SMG6: variants seen among roughly 807,000 people sequenced by gnomAD.
The protein encoded by SMG6 is telomerase-binding protein EST1A.
A neutral mutation model predicts 142.2 loss-of-function variants in SMG6; 66 were observed. That is an observed-to-expected ratio of 0.46 (90% CI 0.38 to 0.57). The LOEUF is 0.57. Ranked by LOEUF, SMG6 falls within the 20% of genes least tolerant of loss-of-function variation. The pLI is 0.00. For missense variants in SMG6, 1,793 were observed against 1,832.0 expected (o/e 0.98, Z 0.39); for synonymous variants, 779 against 702.4 (o/e 1.11, Z -1.72).
rs77491864 is a variant in SMG6 at position 2,292,640 on chromosome 17, A to G, written c.2259-10T>C. 1 of 221,324 alleles carries G rather than the reference A, an allele frequency of 4.5e-6. No homozygotes were observed. Among genetic ancestry groups the G allele is most frequent in the Admixed American group, 1.3e-4 (1 of 7,666 alleles). 13.7% of individuals were successfully genotyped at this position (221,324 alleles called of 1,614,324 possible). ...GGCCTTCAGGTACCAACTAGAACAG[A>G]AAAAACAGTAAGAAAATGCTAGTTC... is the stretch of plus-strand genomic sequence containing the variant. On this transcript the variant is annotated splice_polypyrimidine_tract_variant and intron_variant, in intron 5 of 18. Transcript: ENST00000263073.
chr17:2,165,038 G>A (rs1367116522), intron 13 of SMG6, among the ~76,000 whole-genome samples: 4 of 152,196 alleles, frequency 2.6e-5, no homozygotes, highest in Non-Finnish European at 5.9e-5. Flanking sequence ...AACCTCTTTG[G>A]GGTGGGGGTG....
intron 12 of SMG6, chr17:2,173,072 G>C (rs1402889147): frequency 5.2e-6 from 3 of 575,766 alleles, no homozygotes; most frequent in Non-Finnish European, 9.3e-6. Flanking sequence ...AGTTGAAATT[G>C]ATTAGGGGGA....
chr17:2,298,368 T>C (rs1410208701), intron 2 of SMG6, among the ~76,000 whole-genome samples: 1 of 152,226 alleles, frequency 6.6e-6, no homozygotes, highest in Non-Finnish European at 1.5e-5. Flanking sequence ...CAAGATTCCA[T>C]GATCCCTTAA....
chr17:2,074,522 C>A (rs2068203467), intron 15 of SMG6, among the ~76,000 whole-genome samples: 1 of 152,144 alleles, frequency 6.6e-6, no homozygotes, highest in South Asian at 2.1e-4. Flanking sequence ...TTCTGGATGT[C>A]CAAATGTACC....
At chr17:2,107,130 A>G (rs1009503794) in intron 13 of SMG6, among the ~76,000 whole-genome samples, 8 of 152,168 alleles carry the variant, frequency 5.3e-5, no homozygotes, top group African/African-American at 1.4e-4. Flanking sequence ...TGCTGGGATT[A>G]TAGGTGTGAG....
At chr17:2,152,914 A>G (rs567288240) in intron 13 of SMG6, among the ~76,000 whole-genome samples, 2 of 152,092 alleles carry the variant, frequency 1.3e-5, no homozygotes, top group Non-Finnish European at 2.9e-5. Flanking sequence ...ACCACCAAAA[A>G]CTGCAAATAG....
chr17:2,080,193 C>CA (rs905268518), intron 15 of SMG6, among the ~76,000 whole-genome samples: 1 of 152,034 alleles, frequency 6.6e-6, no homozygotes, highest in Non-Finnish European at 1.5e-5. Context: ...CAGAGGCGGG[C>CA]AGATCACCTG....
Position 2,121,583 on chromosome 17 carries a change from CTGTCTGTGTGTG to C in SMG6, c.3358-35694_3358-35683del, listed in dbSNP as rs1446969485. ...CACATATATGTATATATGTACATGTCTGTCTGTGTGTGTGTGTGTGTGTGTGTGTGTGTGTGT... is the reference window on the plus strand; with the variant it reads ...CACATATATGTATATATGTACATGTCTGTGTGTGTGTGTGTGTGTGTGTGT... On this transcript the variant is annotated intron_variant, in intron 13 of 18. Coordinates refer to ENST00000263073, the MANE Select transcript of SMG6 (RefSeq NM_017575.5). 2.8e-3 allele frequency among the ~76,000 whole-genome samples: 332 copies of C among 118,284 alleles called. 3 individuals are homozygous for C. Among genetic ancestry groups the C allele is most frequent in the African/African-American group, 8.0e-3 (286 of 35,786 alleles). 77.6% of individuals were successfully genotyped at this position (118,284 alleles called of 152,430 possible).
intron 13 of SMG6, among the ~76,000 whole-genome samples, chr17:2,128,817 C>CAAAAAA (rs367580981): frequency 8.2e-5 from 6 of 73,036 alleles, no homozygotes; most frequent in South Asian, 4.8e-4. Context: ...GAGCAAGACT[C>CAAAAAA]AAAAAAAAAA....
intron 10 of SMG6, among the ~76,000 whole-genome samples, chr17:2,218,556 A>G (rs2073085045): frequency 6.6e-6 from 1 of 152,180 alleles, no homozygotes; most frequent in Admixed American, 6.5e-5. Context: ...AAAAAAAAAG[A>G]TAACCAAATA....
chr17:2,280,682 A>G, intron 8 of SMG6: 7 of 654,086 alleles, frequency 1.1e-5, no homozygotes, highest in Non-Finnish European at 1.1e-5. Flanking sequence ...AACTAAAAAT[A>G]TATAGTTTCA....
intron 8 of SMG6, among the ~76,000 whole-genome samples, chr17:2,276,393 G>A (rs1022816438): frequency 1.3e-5 from 2 of 148,298 alleles, no homozygotes; most frequent in African/African-American, 5.0e-5. Context: ...TCCAGCAAAC[G>A]TTTTTTTTTT....
At chr17:2,114,088 C>T (rs2069424072) in intron 13 of SMG6, among the ~76,000 whole-genome samples, 1 of 151,652 alleles carries the variant, frequency 6.6e-6, no homozygotes, top group African/African-American at 2.4e-5. Context: ...GCCAACATGG[C>T]GAAACCCCGT....
At chr17:2,278,257 C>T (rs1367124206) in intron 8 of SMG6, among the ~76,000 whole-genome samples, 4 of 150,418 alleles carry the variant, frequency 2.7e-5, no homozygotes, top group Non-Finnish European at 5.9e-5. Context: ...GGCTGGAGTG[C>T]AATGGTGCAA....
chr17:2,128,474 C>T lies in SMG6; in HGVS notation c.3358-42573G>A, dbSNP rs570251516. ...GGCTCTAGAGTTAGATTAAAAACCA[C>T]CGGATTCTGATGTCAACGGTATTAA... On this transcript the variant is annotated intron_variant, in intron 13 of 18. Coordinates refer to ENST00000263073, the MANE Select transcript of SMG6 (RefSeq NM_017575.5). Among the ~76,000 whole-genome samples, 19 of 152,264 alleles carry T rather than the reference C, an allele frequency of 1.2e-4. No individual in the cohort carries two copies. In the South Asian group the frequency reaches 3.9e-3, roughly 32 times the overall value.
intron 9 of SMG6, among the ~76,000 whole-genome samples, chr17:2,238,397 T>G (rs2073720701): frequency 6.6e-6 from 1 of 151,044 alleles, no homozygotes; most frequent in African/African-American, 2.4e-5. Flanking sequence ...CCGTTAAAAC[T>G]CTTGGAAGAT....
intron 12 of SMG6, among the ~76,000 whole-genome samples, chr17:2,179,551 T>C (rs929839145): frequency 6.6e-6 from 1 of 151,516 alleles, no homozygotes; most frequent in South Asian, 2.1e-4. Context: ...AGACGATCCA[T>C]GGAAAAGCAG....
In SMG6 at chr17:2,072,542, G is replaced by A. The variant is rs148520470; in HGVS notation, c.3682-3611C>T. The stretch of plus-strand genomic sequence containing the variant: ...CCTAAGGAGGAAGCTAACAGGCTTG[G>A]GTCTCCAGGAAAAACTTTTGCAGGT... On this transcript the variant is annotated intron_variant, in intron 15 of 18. Coordinates refer to ENST00000263073, the MANE Select transcript of SMG6 (RefSeq NM_017575.5). Among the ~76,000 whole-genome samples, 712 of 152,242 alleles carry A rather than the reference G, an allele frequency of 4.7e-3. 21 individuals carry two copies. The highest frequency in any genetic ancestry group is 0.043 in the Admixed American group (652 of 15,280).
chr17:2,263,256 A>G (rs556337457), intron 8 of SMG6, among the ~76,000 whole-genome samples: 1 of 152,350 alleles, frequency 6.6e-6, no homozygotes, highest in African/African-American at 2.4e-5. Flanking sequence ...CTAAGAGCAG[A>G]AATTTCTTCC....
Sources: allele counts gnomAD v4.1 joint callset (sites outside exome capture counted in the v4.1 genomes callset), GRCh38; gene constraint gnomAD v4.1.1; transcripts MANE v1.5; gene names NCBI Gene and HGNC (gene_info 2026-07-23, HGNC 2026-07-21).